The following VCF2 variants were observed in gnomAD, a reference collection of about 807,000 sequenced individuals.
VCF2 encodes VCP nuclear cofactor family member 2.
At chrX:55,157,931 G>T in the VCF2 span, among the ~76,000 whole-genome samples, 9 of 112,579 alleles carry the variant, frequency 8.0e-5, no homozygotes, top group Admixed American at 8.4e-4. Context: ...TGTACTTTCT[G>T]TAAGTCTTAT....
At chrX:55,145,464 T>C in the VCF2 span, 1 of 752,929 alleles carries the variant, frequency 1.3e-6, no homozygotes. Context: ...GTAGAGACAG[T>C]TATTAGAGAG....
chrX:55,148,810 C>A, the VCF2 span, among the ~76,000 whole-genome samples: 101 of 111,455 alleles, frequency 9.1e-4, no homozygotes, highest in African/African-American at 3.1e-3. Flanking sequence ...ATTTGTTTAA[C>A]CCAATTTTCA....
At chrX:55,155,941 C>CTTTTTT in the VCF2 span, among the ~76,000 whole-genome samples, 4 of 50,526 alleles carry the variant, frequency 7.9e-5, no homozygotes, top group Admixed American at 2.3e-4. Flanking sequence ...TCTTCTTCTT[C>CTTTTTT]TTTTTTTTTT....
chrX:55,149,179 T>G, the VCF2 span, among the ~76,000 whole-genome samples: 1 of 110,609 alleles, frequency 9.0e-6, no homozygotes, highest in Non-Finnish European at 1.9e-5. Context: ...AGGAGGTTTT[T>G]TTTTTTTTTT....
chrX:55,160,187 A>G, the VCF2 span, among the ~76,000 whole-genome samples: 1 of 112,328 alleles, frequency 8.9e-6, no homozygotes, highest in East Asian at 2.8e-4. Context: ...TTATTTCACA[A>G]TGTTTATTGA....
the VCF2 span, among the ~76,000 whole-genome samples, chrX:55,156,076 C>T: frequency 7.4e-5 from 8 of 108,717 alleles, no homozygotes; most frequent in East Asian, 1.7e-3. Flanking sequence ...CTCAGCCTCC[C>T]GAGTAGCTGG....
chrX:55,145,754 C>T, the VCF2 span: 3 of 785,093 alleles, frequency 3.8e-6, no homozygotes, highest in Non-Finnish European at 4.5e-6. Flanking sequence ...CATAGAGTTT[C>T]TAACTGACAG....
At chrX:55,150,077 G>A in the VCF2 span, among the ~76,000 whole-genome samples, 1 of 112,103 alleles carries the variant, frequency 8.9e-6, no homozygotes, top group East Asian at 2.8e-4. Context: ...GCCCAAAAGA[G>A]ACATATTTGG....
At chrX:55,147,530 G>A in the VCF2 span, among the ~76,000 whole-genome samples, 2,511 of 109,709 alleles carry the variant, frequency 0.023, 73 homozygotes, top group African/African-American at 0.079. Flanking sequence ...AATGCCCACT[G>A]TCACAAAGTA....
the VCF2 span, among the ~76,000 whole-genome samples, chrX:55,153,355 ATTT>A: frequency 2.5e-3 from 211 of 84,480 alleles, 1 homozygote; most frequent in African/African-American, 6.3e-3. Flanking sequence ...TTATTTATTA[ATTT>A]TTTTTTTTTT....
At chrX:55,159,029 G>T in the VCF2 span, 8 of 662,716 alleles carry the variant, frequency 1.2e-5, no homozygotes, top group Non-Finnish European at 1.7e-5. Context: ...TTTTATGAAG[G>T]TTTCTTGGAA....
the VCF2 span, chrX:55,160,679 A>G: frequency 1.9e-6 from 1 of 519,369 alleles, no homozygotes; most frequent in African/African-American, 2.4e-5. Flanking sequence ...ATAGAACCCC[A>G]GTAACACGTG....
chrX:55,148,291 G>A, the VCF2 span, among the ~76,000 whole-genome samples: 2 of 109,250 alleles, frequency 1.8e-5, no homozygotes, highest in East Asian at 2.9e-4. Context: ...ACATCTGGAT[G>A]ATTTCTAATT....
chrX:55,153,152 C>A, the VCF2 span, among the ~76,000 whole-genome samples: 3 of 111,410 alleles, frequency 2.7e-5, no homozygotes, highest in African/African-American at 9.8e-5. Flanking sequence ...GCAAGCTATA[C>A]CCCGACCACC....
the VCF2 span, among the ~76,000 whole-genome samples, chrX:55,153,807 AG>A: frequency 8.9e-6 from 1 of 112,471 alleles, no homozygotes; most frequent in Non-Finnish European, 1.9e-5. Context: ...TTCAAAGCAA[AG>A]ACTTAAAAAG....
chrX:55,152,409 A>G, the VCF2 span, among the ~76,000 whole-genome samples: 1 of 111,660 alleles, frequency 9.0e-6, no homozygotes, highest in African/African-American at 3.3e-5. Context: ...TTTTTGTCAT[A>G]GAACATGATA....
the VCF2 span, among the ~76,000 whole-genome samples, chrX:55,152,095 T>G: frequency 9.3e-6 from 1 of 107,619 alleles, no homozygotes; most frequent in Non-Finnish European, 1.9e-5. Context: ...GTTTCACCGT[T>G]TTAGCCGGGA....
chrX:55,160,904 G>T, the VCF2 span: 1 of 1,160,700 alleles, frequency 8.6e-7, no homozygotes, highest in Non-Finnish European at 1.1e-6. Flanking sequence ...AAGGCTTCGC[G>T]GGATTTTTTT....
chrX:55,154,566 T>C, the VCF2 span, among the ~76,000 whole-genome samples: 4 of 112,577 alleles, frequency 3.6e-5, no homozygotes, highest in African/African-American at 1.3e-4. Flanking sequence ...AAAGGCACTT[T>C]ACAAAACTCC....
Sources: allele counts gnomAD v4.1 joint callset (sites outside exome capture counted in the v4.1 genomes callset), GRCh38; gene constraint gnomAD v4.1.1; transcripts MANE v1.5; gene names NCBI Gene and HGNC (gene_info 2026-07-23, HGNC 2026-07-21).